The following PAPPA2 variants were observed in gnomAD, a reference collection of about 807,000 sequenced individuals.
The protein encoded by PAPPA2 is pappalysin-2.
A neutral mutation model predicts 176.4 loss-of-function variants in PAPPA2; 86 were observed. That is an observed-to-expected ratio of 0.49 (90% CI 0.41 to 0.58). The LOEUF (loss-of-function observed/expected upper bound fraction) is 0.58, where lower values mean the gene tolerates loss of function less well. PAPPA2 is among the 20% of genes least tolerant of loss of function. The probability of loss-of-function intolerance (pLI) is 0.00; values close to 1 mark genes in which losing one functional copy is unlikely to be tolerated. For missense variants in PAPPA2, 2,073 were observed against 2,256.9 expected (o/e 0.92, Z 1.65); for synonymous variants, 809 against 852.2 (o/e 0.95, Z 0.88).
chr1:176,699,129 C>G lies in PAPPA2; in HGVS notation c.2776C>G (p.Pro926Ala). Residue 926 changes from proline to alanine, a missense_variant, in exon 8 of 23, where the codon CCA (proline) becomes GCA (alanine). By Grantham distance (27) the Pro-to-Ala change is conservative (BLOSUM62 -1). Coordinates refer to ENST00000367662, the MANE Select transcript of PAPPA2 (RefSeq NM_020318.3). The part of the protein sequence containing the change: ...GPPDVDQPCE[P>A]SLQAWSPEVH... ...TCCTGATGTGGATCAGCCCTGCGAG[C>G]CAAGCTTACAGGCCTGGAGCCCTGA... The G allele has an allele frequency of 8.7e-6, 14 of 1,613,830 alleles. No homozygotes were observed. Among genetic ancestry groups the G allele is most frequent in the Non-Finnish European group, 1.2e-5 (14 of 1,179,858 alleles).
intron 7 of PAPPA2, among the ~76,000 whole-genome samples, chr1:176,696,305 T>C (rs1660378782): frequency 2.7e-5 from 1 of 37,630 alleles, no homozygotes; most frequent in Admixed American, 4.1e-4. Flanking sequence ...TGAGCAAGTC[T>C]GGGTGGGGGT....
chr1:176,823,232 ACTGT>A (rs1666732051), intron 21 of PAPPA2, among the ~76,000 whole-genome samples: 1 of 152,172 alleles, frequency 6.6e-6, no homozygotes, highest in African/African-American at 2.4e-5. Context: ...TTCTGATACT[ACTGT>A]CTGTATTAGT....
chr1:176,499,615 C>T (rs1647837629), intron 1 of PAPPA2, among the ~76,000 whole-genome samples: 1 of 152,162 alleles, frequency 6.6e-6, no homozygotes, highest in Non-Finnish European at 1.5e-5. Flanking sequence ...TGGCTTCCAG[C>T]TGGGGAGGGG....
intron 12 of PAPPA2, among the ~76,000 whole-genome samples, chr1:176,713,968 C>T (rs552102671): frequency 2.5e-4 from 38 of 152,200 alleles, no homozygotes; most frequent in African/African-American, 8.9e-4. Context: ...CCTGGCTGGC[C>T]TAAAACAATT....
At chr1:176,769,910 G>T in intron 16 of PAPPA2, 126 bp downstream of exon 16, 2 of 1,065,370 alleles carry the variant, frequency 1.9e-6, no homozygotes, top group Non-Finnish European at 1.3e-6. Flanking sequence ...ACCATCTTCT[G>T]ATAACTCCAG....
At chr1:176,623,979 T>A (rs1655862861) in intron 3 of PAPPA2, among the ~76,000 whole-genome samples, 2 of 151,788 alleles carry the variant, frequency 1.3e-5, no homozygotes, top group South Asian at 4.2e-4. Context: ...TAGCTGGGGC[T>A]ACAGGTGCAT....
At chr1:176,622,130 C>T (rs1266230894) in intron 3 of PAPPA2, among the ~76,000 whole-genome samples, 1 of 152,122 alleles carries the variant, frequency 6.6e-6, no homozygotes, top group Non-Finnish European at 1.5e-5. Flanking sequence ...GTCTCCATTT[C>T]ATAGTGCTTC....
chr1:176,794,329 T>C (rs1346306326), intron 20 of PAPPA2, among the ~76,000 whole-genome samples: 1 of 152,142 alleles, frequency 6.6e-6, no homozygotes, highest in Non-Finnish European at 1.5e-5. Context: ...GAGGGTAATA[T>C]CTAGCTTGCA....
intron 1 of PAPPA2, among the ~76,000 whole-genome samples, chr1:176,519,214 C>A (rs1021021212): frequency 5.9e-5 from 9 of 152,166 alleles, no homozygotes. Flanking sequence ...TCAGCCAACT[C>A]TTCTCACAAG....
chr1:176,783,285 C>A (rs1664798178), intron 17 of PAPPA2, among the ~76,000 whole-genome samples: 1 of 152,172 alleles, frequency 6.6e-6, no homozygotes, highest in Non-Finnish European at 1.5e-5. Context: ...CCACTGGAGA[C>A]ATCAGGTCCC....
chr1:176,744,799 T>G (rs544712767), intron 14 of PAPPA2, among the ~76,000 whole-genome samples: 1 of 152,350 alleles, frequency 6.6e-6, no homozygotes, highest in South Asian at 2.1e-4. Flanking sequence ...GTTTCTCAAT[T>G]TAACTCCAAT....
chr1:176,557,653 A>G (rs1034980834), intron 2 of PAPPA2, among the ~76,000 whole-genome samples: 21 of 152,180 alleles, frequency 1.4e-4, no homozygotes, highest in African/African-American at 4.3e-4. Context: ...GGACCTGAGC[A>G]ATGAGTCATG....
chr1:176,580,788 A>G (rs532552522), intron 2 of PAPPA2, among the ~76,000 whole-genome samples: 9 of 152,298 alleles, frequency 5.9e-5, no homozygotes, highest in African/African-American at 1.9e-4. Context: ...CTTTTGAGAA[A>G]TATCTGTTCA....
intron 4 of PAPPA2, among the ~76,000 whole-genome samples, chr1:176,688,642 T>C (rs968001758): frequency 6.6e-6 from 1 of 152,226 alleles, no homozygotes; most frequent in African/African-American, 2.4e-5. Context: ...TAGTTTCACC[T>C]GGGATGTGAA....
intron 1 of PAPPA2, among the ~76,000 whole-genome samples, chr1:176,514,335 A>T (rs1190966102): frequency 6.6e-6 from 1 of 152,106 alleles, no homozygotes; most frequent in Admixed American, 6.6e-5. Context: ...CAGAGAGGGA[A>T]CCCACTAGTT....
intron 4 of PAPPA2, among the ~76,000 whole-genome samples, chr1:176,685,200 A>G (rs1387076989): frequency 6.6e-6 from 1 of 152,140 alleles, no homozygotes; most frequent in African/African-American, 2.4e-5. Context: ...GGTCTAATAT[A>G]TATTTTGAGT....
At chr1:176,506,847 A>T (rs1183303711) in intron 1 of PAPPA2, among the ~76,000 whole-genome samples, 1 of 152,172 alleles carries the variant, frequency 6.6e-6, no homozygotes, top group African/African-American at 2.4e-5. Flanking sequence ...ATCCTAGAAG[A>T]AAAGCTACAA....
intron 14 of PAPPA2, among the ~76,000 whole-genome samples, chr1:176,759,662 A>G (rs937444155): frequency 2.6e-5 from 4 of 152,164 alleles, no homozygotes; most frequent in Admixed American, 2.0e-4. Flanking sequence ...CTCCCCGAAT[A>G]TGGACCTGTA....
At chr1:176,827,461 C>T (rs1012894106) in intron 21 of PAPPA2, among the ~76,000 whole-genome samples, 1 of 152,048 alleles carries the variant, frequency 6.6e-6, no homozygotes, top group Non-Finnish European at 1.5e-5. Context: ...GGTTATTCTC[C>T]CCATTTCTCT....
Sources: gnomAD v4.1 joint callset for allele counts (sites outside exome capture counted in the v4.1 genomes callset) on GRCh38, gnomAD v4.1.1 for gene constraint, MANE v1.5 for transcripts, NCBI Gene and HGNC (gene_info 2026-07-23, HGNC 2026-07-21) for gene names.